TFCP2L1: variants seen among roughly 807,000 people sequenced by gnomAD.
The protein encoded by TFCP2L1 is transcription factor CP2 like 1, also known as transcription factor CP2-like protein 1.
A neutral mutation model predicts 72.2 loss-of-function variants in TFCP2L1; 12 were observed. The observed-to-expected ratio is 0.17, with a 90% CI of 0.11 to 0.27. TFCP2L1 has a LOEUF of 0.27. TFCP2L1 is among the 10% of genes least tolerant of loss of function. The probability of loss-of-function intolerance (pLI) is 1.00; values close to 1 mark genes in which losing one functional copy is unlikely to be tolerated. For synonymous variants in TFCP2L1, 260 were observed against 251.0 expected, an observed-to-expected ratio of 1.04 and a Z score of -0.34; for missense variants, 488 against 624.6, an observed-to-expected ratio of 0.78 and a Z score of 2.33.
At chr2:121,248,742 C>T (rs1166248713) in intron 4 of TFCP2L1, among the ~76,000 whole-genome samples, 1 of 152,178 alleles carries the variant, frequency 6.6e-6, no homozygotes, top group African/African-American at 2.4e-5. Flanking sequence ...AAAGCCTTCC[C>T]TGAACTCCCT....
intron 6 of TFCP2L1, 65 bp from the exon 7 acceptor site, chr2:121,242,534 T>A: frequency 6.6e-7 from 1 of 1,510,010 alleles, no homozygotes; most frequent in Non-Finnish European, 9.2e-7. Context: ...CCAAGCCCTC[T>A]CCTGCTTCCC....
intron 2 of TFCP2L1, among the ~76,000 whole-genome samples, chr2:121,277,499 C>T (rs1687170998): frequency 6.6e-6 from 1 of 152,164 alleles, no homozygotes; most frequent in Admixed American, 6.5e-5. Context: ...GCATCAAAAG[C>T]CTCAATGTTC....
intron 2 of TFCP2L1, among the ~76,000 whole-genome samples, chr2:121,263,163 C>T (rs558484757): frequency 7.2e-5 from 11 of 152,144 alleles, no homozygotes; most frequent in South Asian, 6.2e-4. Context: ...TCGAACTTTC[C>T]GACCTCAGGT....
intron 10 of TFCP2L1, among the ~76,000 whole-genome samples, chr2:121,236,549 C>T (rs1191880550): frequency 6.6e-6 from 1 of 152,152 alleles, no homozygotes; most frequent in Non-Finnish European, 1.5e-5. Flanking sequence ...GCCACAATTC[C>T]CACTCCTCTC....
chr2:121,254,445 G>A (rs542601041), intron 2 of TFCP2L1, among the ~76,000 whole-genome samples: 1 of 152,302 alleles, frequency 6.6e-6, no homozygotes, highest in African/African-American at 2.4e-5. Flanking sequence ...CATGGGCTTT[G>A]AAGAGTGGGC....
At chr2:121,270,508 A>G (rs1481175338) in intron 2 of TFCP2L1, among the ~76,000 whole-genome samples, 1 of 152,214 alleles carries the variant, frequency 6.6e-6, no homozygotes, top group African/African-American at 2.4e-5. Flanking sequence ...AAACACAAAG[A>G]TATACATAGA....
At chr2:121,252,170 TCCC>T (rs1240624128) in intron 2 of TFCP2L1, among the ~76,000 whole-genome samples, 15 of 152,258 alleles carry the variant, frequency 9.9e-5, no homozygotes, top group African/African-American at 3.6e-4. Context: ...CACCTCAGCC[TCCC>T]AAGTAGCTAA....
intron 2 of TFCP2L1, 147 bp from the exon 3 acceptor site, chr2:121,249,794 C>T: frequency 1.4e-6 from 1 of 738,916 alleles, no homozygotes; most frequent in East Asian, 2.6e-5. Context: ...CCACGACCAG[C>T]TCAGCTCACT....
At chr2:121,226,264 T>C (rs1463564690) in intron 13 of TFCP2L1, among the ~76,000 whole-genome samples, 1 of 151,456 alleles carries the variant, frequency 6.6e-6, no homozygotes, top group Admixed American at 6.6e-5. Context: ...TGTGACATGA[T>C]TGCAATTTAA....
Position 121,221,586 on chromosome 2 carries a change from C to T in TFCP2L1, c.*2755G>A, listed in dbSNP as rs1456630373. ...AGAATGAAGCTGGACCCCTACATCA[C>T]ATCATATATAAAAATATACTCGAAA... On this transcript the variant is annotated 3_prime_UTR_variant, in exon 15 of 15. Coordinates refer to ENST00000263707, the MANE Select transcript of TFCP2L1 (RefSeq NM_014553.3). 1 of 152,148 alleles carries T rather than the reference C, an allele frequency of 6.6e-6. No homozygotes were observed. The highest frequency in any genetic ancestry group is 2.4e-5 in the African/African-American group (1 of 41,430). The allele number at this position is 152,148 out of a possible 1,614,324, so 9.4% of individuals were successfully genotyped here. A position where few individuals can be genotyped will look rare whatever the true frequency, so the allele number is the denominator to read the frequency against.
intron 10 of TFCP2L1, among the ~76,000 whole-genome samples, chr2:121,236,676 C>T (rs1236270072): frequency 6.6e-6 from 1 of 151,998 alleles, no homozygotes; most frequent in Non-Finnish European, 1.5e-5. Context: ...CCATCCTGTC[C>T]GTGTCCCTTG....
At chr2:121,240,702 A>G (rs1573367529) in intron 7 of TFCP2L1, 2 of 985,318 alleles carry the variant, frequency 2.0e-6, no homozygotes, top group Non-Finnish European at 1.2e-6. Context: ...TTAGGGAGAG[A>G]ATGGTATCAG....
rs1685886386 is a variant in TFCP2L1 at position 121,219,243 on chromosome 2, A to T, written c.*5098T>A. 6.6e-6 allele frequency: 1 copy of T among 152,284 alleles called. No homozygotes were observed. Among genetic ancestry groups the T allele is most frequent in the Non-Finnish European group, 1.5e-5 (1 of 68,106 alleles). 9.4% of individuals were successfully genotyped at this position (152,284 alleles called of 1,614,324 possible). On this transcript the variant is annotated 3_prime_UTR_variant, in exon 15 of 15. Transcript: ENST00000263707. ...AAGAGGATCATCGAGCTACCGAGGG[A>T]GCCTGTTTTCCCCAAATGCGAAGGG... is the stretch of plus-strand genomic sequence containing the variant.
intron 2 of TFCP2L1, among the ~76,000 whole-genome samples, chr2:121,267,085 T>C (rs147525148): frequency 9.9e-5 from 15 of 151,846 alleles, no homozygotes; most frequent in African/African-American, 3.4e-4. Context: ...GCCCAGCTAA[T>C]TTTTGTATTT....
intron 10 of TFCP2L1, among the ~76,000 whole-genome samples, chr2:121,237,387 T>C (rs1686272021): frequency 6.6e-6 from 1 of 152,152 alleles, no homozygotes; most frequent in Admixed American, 6.5e-5. Context: ...CTTGACCAAG[T>C]CACCCAGATG....
intron 2 of TFCP2L1, among the ~76,000 whole-genome samples, chr2:121,261,599 A>T (rs1429233325): frequency 1.3e-5 from 2 of 152,234 alleles, no homozygotes; most frequent in African/African-American, 4.8e-5. Context: ...GTAGAGAAGG[A>T]AAAACTCTTT....
At chr2:121,266,366 C>T (rs925062285) in intron 2 of TFCP2L1, among the ~76,000 whole-genome samples, 1 of 152,086 alleles carries the variant, frequency 6.6e-6, no homozygotes, top group African/African-American at 2.4e-5. Flanking sequence ...CTATGATGTA[C>T]CTGGCCCGTT....
At chr2:121,268,381 G>A (rs1686976283) in intron 2 of TFCP2L1, among the ~76,000 whole-genome samples, 1 of 151,282 alleles carries the variant, frequency 6.6e-6, no homozygotes, top group South Asian at 2.1e-4. Context: ...TTAGTAACAG[G>A]GTCTCACTGT....
At chr2:121,246,357 CAA>C (rs929115573) in intron 6 of TFCP2L1, among the ~76,000 whole-genome samples, 2 of 152,092 alleles carry the variant, frequency 1.3e-5, no homozygotes, top group Non-Finnish European at 2.9e-5. Context: ...GAAGCCATTG[CAA>C]AGAGAAAAAT....
Sources: allele counts gnomAD v4.1 joint callset (sites outside exome capture counted in the v4.1 genomes callset), GRCh38; gene constraint gnomAD v4.1.1; transcripts MANE v1.5; gene names NCBI Gene and HGNC (gene_info 2026-07-23, HGNC 2026-07-21).